The following KIRREL3 variants were observed in gnomAD, a reference collection of about 807,000 sequenced individuals.
KIRREL3 encodes kirre like nephrin family adhesion molecule 3.
KIRREL3 carries 36 observed loss-of-function variants against 89.7 expected under a neutral mutation model. That is an observed-to-expected ratio of 0.40 (90% CI 0.31 to 0.53). KIRREL3 has a LOEUF of 0.53. Ranked by LOEUF, KIRREL3 falls within the 20% of genes least tolerant of loss-of-function variation. The pLI is 0.49. For missense variants in KIRREL3, 864 were observed against 1,056.6 expected (o/e 0.82, Z 2.53); for synonymous variants, 445 against 441.4 (o/e 1.01, Z -0.10).
In KIRREL3 at chr11:126,934,368, A is replaced by T. The variant is rs958831753; in HGVS notation, c.55+66087T>A. 1.8e-4 allele frequency among the ~76,000 whole-genome samples: 27 copies of T among 152,322 alleles called. No homozygotes were observed. In the South Asian group the frequency reaches 5.6e-3, roughly 32 times the overall value. ...TAAAACTACAAAAATTTTAAAAGAA[A>T]ATATAGTAGAAAACCACTGTGACTT... On this transcript the variant is annotated intron_variant, in intron 1 of 16. Transcript: ENST00000525144.
At chr11:126,762,931 C>T (rs561743782) in intron 1 of KIRREL3, among the ~76,000 whole-genome samples, 1 of 152,202 alleles carries the variant, frequency 6.6e-6, no homozygotes, top group East Asian at 1.9e-4. Context: ...ACGATTGACC[C>T]CAAATTTCTC....
chr11:126,509,511 A>T (rs1048541173), intron 4 of KIRREL3, among the ~76,000 whole-genome samples: 5 of 152,226 alleles, frequency 3.3e-5, no homozygotes, highest in African/African-American at 1.2e-4. Context: ...CAGGTTCTCC[A>T]TCCTCTTTTT....
chr11:126,496,474 C>T lies in KIRREL3; in HGVS notation c.434-23008G>A, dbSNP rs115741045. Among the ~76,000 whole-genome samples the T allele has an allele frequency of 1.4e-3, 207 of 152,192 alleles. 2 individuals carry two copies. Among genetic ancestry groups the T allele is most frequent in the African/African-American group, 4.6e-3 (191 of 41,522 alleles). ...TTCCCATGATAAGTTCAGTGCCTTCCCTGCCACCCCATGGCTGCCATTTCT... is the reference window on the plus strand; with the variant it reads ...TTCCCATGATAAGTTCAGTGCCTTCTCTGCCACCCCATGGCTGCCATTTCT... On this transcript the variant is annotated intron_variant, in intron 4 of 16. Transcript: ENST00000525144. This position sits in a 1 kb window ranked among gnomAD's most constrained non-coding sequence, Gnocchi z 4.9.
Position 126,486,951 on chromosome 11 carries a change from C to A in KIRREL3, c.434-13485G>T, listed in dbSNP as rs1362975962. 6.6e-6 allele frequency among the ~76,000 whole-genome samples: 1 copy of A among 152,078 alleles called. No homozygotes were observed. The highest frequency in any genetic ancestry group is 2.4e-5 in the African/African-American group (1 of 41,384). ...ATATAGTTGGTTTTGCTATGGGCTC[C>A]CCATCCGGTAAATCCACCTCCTCAA... On this transcript the variant is annotated intron_variant, in intron 4 of 16. Transcript: ENST00000525144. The surrounding 1 kb of genome is among the most constrained non-coding windows in gnomAD (Gnocchi z 6.2).
intron 7 of KIRREL3, 57 bp downstream of exon 7, chr11:126,456,292 G>A: frequency 8.4e-7 from 1 of 1,192,090 alleles, no homozygotes; most frequent in Middle Eastern, 2.0e-4. Context: ...TCCCACGTGA[G>A]AGGCACGGGG....
rs920180483 is a variant in KIRREL3, at chr11:126,694,151, T to C, written c.56-131239A>G. Among the ~76,000 whole-genome samples the C allele has an allele frequency of 2.0e-5, 3 of 152,230 alleles. No homozygotes were observed. The highest frequency in any genetic ancestry group is 2.0e-4 in the Admixed American group (3 of 15,290). ...CTAAGGGAGCCACATTCGTTTTTTT[T>C]CCTTTCAAAGTCGTCAGGCAGTAAA... On this transcript the variant is annotated intron_variant, in intron 1 of 16. Transcript: ENST00000525144. The surrounding 1 kb of genome is among the most constrained non-coding windows in gnomAD (Gnocchi z 4.4).
Position 126,457,185 on chromosome 11 carries a change from A to ATGTGTGTG in KIRREL3, c.743-739_743-732dup, listed in dbSNP as rs35883463. 6.2e-3 allele frequency among the ~76,000 whole-genome samples: 882 copies of ATGTGTGTG among 143,014 alleles called. 2 individuals are homozygous for ATGTGTGTG. The highest frequency in any genetic ancestry group is 0.017 in the African/African-American group (655 of 39,310). 93.8% of individuals were successfully genotyped at this position (143,014 alleles called of 152,430 possible). A position where few individuals can be genotyped will look rare whatever the true frequency, so the allele number is the denominator to read the frequency against. On this transcript the variant is annotated intron_variant, in intron 6 of 16. Coordinates refer to ENST00000525144, the MANE Select transcript of KIRREL3 (RefSeq NM_032531.4). ...TGGAGACCATAGAGGAAGAGAGATT[A>ATGTGTGTG]TGTGTGTGTGTGTGTGTGTGTGTGT...
In KIRREL3 at chr11:126,677,432, G is replaced by C. The variant is rs930898424; in HGVS notation, c.56-114520C>G. 6.6e-6 allele frequency among the ~76,000 whole-genome samples: 1 copy of C among 152,320 alleles called. No homozygotes were observed. The highest frequency in any genetic ancestry group is 1.9e-4 in the East Asian group (1 of 5,184). On this transcript the variant is annotated intron_variant, in intron 1 of 16. Transcript: ENST00000525144. The surrounding 1 kb of genome is among the most constrained non-coding windows in gnomAD (Gnocchi z 5.1). ...GAAAGGATGTTGGCATAGTCTGGGTGCTTTGCTATCTATTATCTCCTCTAA... is the reference window on the plus strand; with the variant it reads ...GAAAGGATGTTGGCATAGTCTGGGTCCTTTGCTATCTATTATCTCCTCTAA...
intron 2 of KIRREL3, among the ~76,000 whole-genome samples, chr11:126,529,240 G>A (rs1043516360): frequency 3.3e-5 from 5 of 152,074 alleles, no homozygotes; most frequent in South Asian, 2.1e-4. Flanking sequence ...GTTGTGGACC[G>A]GCTGGAGCCC....
chr11:126,837,029 T>A lies in KIRREL3; in HGVS notation c.55+163426A>T, dbSNP rs1943804766. Among the ~76,000 whole-genome samples, 1 of 146,462 alleles carries A rather than the reference T, an allele frequency of 6.8e-6. No individual in the cohort carries two copies. Among genetic ancestry groups the A allele is most frequent in the Non-Finnish European group, 1.5e-5 (1 of 66,246 alleles). On this transcript the variant is annotated intron_variant, in intron 1 of 16. Coordinates refer to ENST00000525144, the MANE Select transcript of KIRREL3 (RefSeq NM_032531.4). The surrounding 1 kb of genome is among the most constrained non-coding windows in gnomAD (Gnocchi z 4.7). Reference sequence around the variant, plus strand: ...ACCCATAGAAGATATTTGTTAAGTATTTTTTTGGGGGGCGGGGGGTTGAAT... The same window carrying A: ...ACCCATAGAAGATATTTGTTAAGTAATTTTTTGGGGGGCGGGGGGTTGAAT...
chr11:126,424,230 C>G lies in KIRREL3; in HGVS notation c.*350G>C, dbSNP rs539016433. The G allele has an allele frequency of 1.2e-5, 4 of 339,988 alleles. No homozygotes were observed. The highest frequency in any genetic ancestry group is 2.2e-5 in the Non-Finnish European group (4 of 178,570). 21.1% of individuals were successfully genotyped at this position (339,988 alleles called of 1,614,324 possible). ...CCCACAGAGAGACCAGAGAGTGGAC[C>G]GCAGTTTCATGAAAGCAGAGTTATA... On this transcript the variant is annotated 3_prime_UTR_variant, in exon 17 of 17. Coordinates refer to ENST00000525144, the MANE Select transcript of KIRREL3 (RefSeq NM_032531.4).
At chr11:126,648,262 C>A (rs185557172) in intron 1 of KIRREL3, among the ~76,000 whole-genome samples, 1 of 152,182 alleles carries the variant, frequency 6.6e-6, no homozygotes, top group African/African-American at 2.4e-5. Context: ...CTTTTTACCC[C>A]GTCTCACGTA....
In KIRREL3 at chr11:126,430,497, G is replaced by A. The variant is rs1396316261; in HGVS notation, c.1696+922C>T. ...TATGCGTATGTGTATATATTTGTAT[G>A]CTTCCCTATAATTTCCACTGAGACG... On this transcript the variant is annotated intron_variant, in intron 14 of 16. Transcript: ENST00000525144. The surrounding 1 kb of genome is among the most constrained non-coding windows in gnomAD (Gnocchi z 6.6). Among the ~76,000 whole-genome samples the A allele has an allele frequency of 6.6e-6, 1 of 152,122 alleles. No individual in the cohort carries two copies. The highest frequency in any genetic ancestry group is 1.5e-5 in the Non-Finnish European group (1 of 68,030).
In KIRREL3 at chr11:126,879,080, G is replaced by A. The variant is rs1003132735; in HGVS notation, c.55+121375C>T. On this transcript the variant is annotated intron_variant, in intron 1 of 16. Transcript: ENST00000525144. This position sits in a 1 kb window ranked among gnomAD's most constrained non-coding sequence, Gnocchi z 5.4. Reference sequence around the variant, plus strand: ...CAGGGCATTACTCTGCAGGCCAACCGGCAATTACAATGGCATCTTTCTTCC... The same window carrying A: ...CAGGGCATTACTCTGCAGGCCAACCAGCAATTACAATGGCATCTTTCTTCC... Among the ~76,000 whole-genome samples the A allele has an allele frequency of 1.3e-5, 2 of 152,142 alleles. No homozygotes were observed. Among genetic ancestry groups the A allele is most frequent in the Non-Finnish European group, 1.5e-5 (1 of 68,028 alleles).
chr11:126,784,212 C>T (rs140057644), intron 1 of KIRREL3, among the ~76,000 whole-genome samples: 17 of 152,232 alleles, frequency 1.1e-4, no homozygotes, highest in East Asian at 7.7e-4. Flanking sequence ...GAAATGTAAA[C>T]GAAGTATGGA....
intron 1 of KIRREL3, among the ~76,000 whole-genome samples, chr11:126,690,209 G>A (rs961085948): frequency 2.5e-4 from 38 of 152,234 alleles, no homozygotes; most frequent in Middle Eastern, 6.8e-3. Flanking sequence ...GTGTTTATGC[G>A]CCTTAATTCA....
Position 126,575,150 on chromosome 11 carries a change from T to C in KIRREL3, c.56-12238A>G, listed in dbSNP as rs1941189152. On this transcript the variant is annotated intron_variant, in intron 1 of 16. Coordinates refer to ENST00000525144, the MANE Select transcript of KIRREL3 (RefSeq NM_032531.4). This position sits in a 1 kb window ranked among gnomAD's most constrained non-coding sequence, Gnocchi z 7.0. ...GGCCAGAGGACACAGTGAGGGAGCCTGGTTTAAAAAAAAGAGGCTTAAGCT... is the reference window on the plus strand; with the variant it reads ...GGCCAGAGGACACAGTGAGGGAGCCCGGTTTAAAAAAAAGAGGCTTAAGCT... 1.3e-5 allele frequency among the ~76,000 whole-genome samples: 2 copies of C among 152,080 alleles called. No individual in the cohort carries two copies. The highest frequency in any genetic ancestry group is 4.8e-5 in the African/African-American group (2 of 41,404).
intron 1 of KIRREL3, among the ~76,000 whole-genome samples, chr11:126,956,882 C>T (rs1284847190): frequency 3.3e-5 from 5 of 152,184 alleles, no homozygotes; most frequent in Admixed American, 3.3e-4. Flanking sequence ...TTCTGGTTGT[C>T]ACCCTTGGTG....
At chr11:126,646,422 T>G (rs1944675291) in intron 1 of KIRREL3, among the ~76,000 whole-genome samples, 1 of 151,960 alleles carries the variant, frequency 6.6e-6, no homozygotes, top group Non-Finnish European at 1.5e-5. Flanking sequence ...AACTCTTGTC[T>G]AATTGCAAAA....
Sources: gnomAD v4.1 joint callset for allele counts (sites outside exome capture counted in the v4.1 genomes callset) on GRCh38, gnomAD v4.1.1 for gene constraint, Gnocchi (gnomAD v3.1) non-coding constraint, MANE v1.5 for transcripts, NCBI Gene and HGNC (gene_info 2026-07-23, HGNC 2026-07-21) for gene names.